TCEA1: variants seen among roughly 807,000 people sequenced by gnomAD.
TCEA1 encodes transcription elongation factor A protein 1.
TCEA1 carries 21 observed loss-of-function variants against 43.8 expected under a neutral mutation model. The ratio of observed to expected loss-of-function variants is 0.48; its 90% confidence interval spans 0.34 to 0.69. TCEA1 has a LOEUF of 0.69. Ranked by LOEUF, TCEA1 falls within the 30% of genes least tolerant of loss-of-function variation. The pLI is 0.01. For missense variants in TCEA1, 250 were observed against 365.1 expected (o/e 0.68, Z 2.57); for synonymous variants, 104 against 117.5 (o/e 0.88, Z 0.75).
At chr8:54,012,496 T>C (rs974344507) in intron 1 of TCEA1, among the ~76,000 whole-genome samples, 1 of 151,976 alleles carries the variant, frequency 6.6e-6, no homozygotes, top group African/African-American at 2.4e-5. Context: ...GAAGTGGAGG[T>C]TGCAGTGAGC....
intron 3 of TCEA1, among the ~76,000 whole-genome samples, chr8:53,999,224 CAA>C (rs57357613): frequency 2.8e-3 from 183 of 64,524 alleles, no homozygotes; most frequent in Middle Eastern, 9.6e-3. Context: ...GACTCAGTCT[CAA>C]AAAAAAAAAA....
intron 3 of TCEA1, among the ~76,000 whole-genome samples, chr8:53,997,049 G>A (rs1220549001): frequency 6.6e-6 from 1 of 151,864 alleles, no homozygotes; most frequent in African/African-American, 2.4e-5. Context: ...GGGACTACAG[G>A]TGCTCACCAT....
At chr8:53,989,350 G>A (rs1007503811) in intron 4 of TCEA1, among the ~76,000 whole-genome samples, 2 of 152,048 alleles carry the variant, frequency 1.3e-5, no homozygotes, top group African/African-American at 4.8e-5. Flanking sequence ...TTATCACATT[G>A]AAAACAGCTG....
chr8:54,005,891 CTA>C (rs1321757513), intron 2 of TCEA1, among the ~76,000 whole-genome samples: 2 of 152,162 alleles, frequency 1.3e-5, no homozygotes, highest in African/African-American at 2.4e-5. Flanking sequence ...GCCACACCAC[CTA>C]TGTCTTTAAA....
intron 8 of TCEA1, among the ~76,000 whole-genome samples, chr8:53,974,488 G>A (rs1208039584): frequency 1.6e-5 from 2 of 128,894 alleles, no homozygotes; most frequent in Non-Finnish European, 3.1e-5. Flanking sequence ...CCAACTAGTG[G>A]AAAGTTACTC....
At position 53,997,220 on chromosome 8, in the gene TCEA1, T is replaced by C. The variant is rs973414005; in HGVS notation, c.232+2725A>G. On this transcript the variant is annotated intron_variant, in intron 3 of 9. Transcript: ENST00000521604. The stretch of plus-strand genomic sequence containing the variant: ...ACCATGCCTGGCCAGAAGGTTCTTC[T>C]TCTAACAGAATGATGATTTTATAAG... Among the ~76,000 whole-genome samples, 4 of 152,242 alleles carry C rather than the reference T, an allele frequency of 2.6e-5. No homozygotes were observed. In the East Asian group the frequency reaches 7.7e-4, roughly 29 times the overall value.
At chr8:54,018,733 GACA>G (rs1407820707) in intron 1 of TCEA1, among the ~76,000 whole-genome samples, 4 of 152,210 alleles carry the variant, frequency 2.6e-5, no homozygotes, top group East Asian at 1.9e-4. Context: ...ACACATGTGG[GACA>G]ACATCTTGGG....
rs1279583865 is a variant in TCEA1, at chr8:54,000,062, T to A, written c.127-12A>T. The stretch of plus-strand genomic sequence containing the variant: ...CCGATTCTTGTGGACTGCAAGGCAA[T>A]AACAAAAAAATTATGTATACCAATT... On this transcript the variant is annotated splice_polypyrimidine_tract_variant and intron_variant, in intron 2 of 9. Transcript: ENST00000521604. 6.7e-7 allele frequency: 1 copy of A among 1,488,538 alleles called. No homozygotes were observed. Among genetic ancestry groups the A allele is most frequent in the Admixed American group, 2.2e-5 (1 of 44,522 alleles). The allele number at this position is 1,488,538 out of a possible 1,614,324, so 92.2% of individuals were successfully genotyped here. A position where few individuals can be genotyped will look rare whatever the true frequency, so the allele number is the denominator to read the frequency against.
chr8:53,984,271 C>A, intron 7 of TCEA1, 92 bp downstream of exon 7: 1 of 1,156,264 alleles, frequency 8.6e-7, no homozygotes. Flanking sequence ...ATTACATATG[C>A]AATATTTATA....
At chr8:53,990,432 G>C (rs1249925936) in intron 4 of TCEA1, among the ~76,000 whole-genome samples, 1 of 149,368 alleles carries the variant, frequency 6.7e-6, no homozygotes, top group Non-Finnish European at 1.5e-5. Context: ...AAACAACCAT[G>C]GCTTACTGCA....
At chr8:54,018,285 T>C (rs2129315216) in intron 1 of TCEA1, among the ~76,000 whole-genome samples, 1 of 152,230 alleles carries the variant, frequency 6.6e-6, no homozygotes, top group African/African-American at 2.4e-5. Context: ...TAAATAAACC[T>C]CAGCACTACC....
At chr8:53,978,300 C>G (rs1803393731) in intron 8 of TCEA1, among the ~76,000 whole-genome samples, 1 of 152,106 alleles carries the variant, frequency 6.6e-6, no homozygotes, top group Admixed American at 6.5e-5. Flanking sequence ...AATCTTATCT[C>G]CTCTTGAACT....
Position 53,970,398 on chromosome 8 carries a change from T to C in TCEA1, c.891A>G (p.Arg297=), listed in dbSNP as rs1456496954. ...TFVVCNECGN[R]WKFC ...AATCCAAGAGAGTCCATACCTTCCA[T>C]CGATTTCCACATTCATTACAGACAA... Residue 297 remains arginine, a synonymous_variant, in exon 9 of 10, where the codon CGA becomes CGG. Coordinates refer to ENST00000521604, the MANE Select transcript of TCEA1 (RefSeq NM_006756.4). 4 of 1,606,924 alleles carry C rather than the reference T, an allele frequency of 2.5e-6. No homozygotes were observed. The highest frequency in any genetic ancestry group is 3.4e-6 in the Non-Finnish European group (4 of 1,174,366).
rs183815576 is a variant in TCEA1 at position 54,011,240 on chromosome 8, G to A, written c.64-748C>T. 3.9e-5 allele frequency among the ~76,000 whole-genome samples: 6 copies of A among 152,296 alleles called. No homozygotes were observed. The East Asian group carries it at 1.2e-3, about 29-fold the overall frequency. On this transcript the variant is annotated intron_variant, in intron 1 of 9. Transcript: ENST00000521604. ...TGTTACTAAAAGTACTTCACATTCA[G>A]AACTTTTTGACTCAGATTCAACAGT...
At chr8:53,994,155 G>A (rs2129306301) in intron 3 of TCEA1, among the ~76,000 whole-genome samples, 1 of 152,282 alleles carries the variant, frequency 6.6e-6, no homozygotes, top group Non-Finnish European at 1.5e-5. Flanking sequence ...GACCAGCCTG[G>A]GCAACATGAC....
chr8:54,011,900 A>G (rs954885013), intron 1 of TCEA1, among the ~76,000 whole-genome samples: 21 of 152,222 alleles, frequency 1.4e-4, no homozygotes, highest in African/African-American at 5.1e-4. Context: ...AGTTCAACAG[A>G]AATTATGACA....
rs758796859 is a variant in TCEA1, at chr8:54,010,417, T to C, written c.126+13A>G. ...TACCTATTAAAAAAACTTTGATGCA[T>C]AAAAGCACATACCTGCAGTAATTCC... On this transcript the variant is annotated intron_variant, in intron 2 of 9. Coordinates refer to ENST00000521604, the MANE Select transcript of TCEA1 (RefSeq NM_006756.4). The C allele has an allele frequency of 4.4e-6, 7 of 1,588,880 alleles. No homozygotes were observed. The Admixed American group carries it at 1.3e-4, about 29-fold the overall frequency.
At chr8:53,987,080 C>A in intron 5 of TCEA1, 55 bp from the exon 6 acceptor site, 2 of 1,401,074 alleles carry the variant, frequency 1.4e-6, no homozygotes, top group South Asian at 1.3e-5. Flanking sequence ...AAAGAAAATT[C>A]TAATACCAGG....
intron 6 of TCEA1, among the ~76,000 whole-genome samples, chr8:53,985,031 T>C (rs111662592): frequency 0.016 from 2,439 of 152,264 alleles, 27 homozygotes; most frequent in Admixed American, 0.025. Flanking sequence ...AGTAGTTGTT[T>C]GTTTTGAAGG....
Sources: allele counts gnomAD v4.1 joint callset (sites outside exome capture counted in the v4.1 genomes callset), GRCh38; gene constraint gnomAD v4.1.1; transcripts MANE v1.5; gene names NCBI Gene and HGNC (gene_info 2026-07-23, HGNC 2026-07-21).